ZNF732: variants seen among roughly 807,000 people sequenced by gnomAD.
ZNF732 encodes the protein zinc finger protein LOC654254.
A neutral mutation model predicts 11.5 loss-of-function variants in ZNF732; 12 were observed. The observed-to-expected ratio is 1.05, with a 90% CI of 0.67 to 1.70. The LOEUF (loss-of-function observed/expected upper bound fraction) is 1.70. ZNF732 is among the 40% of genes most tolerant of loss of function. The pLI is 0.00. For missense variants in ZNF732, 702 were observed against 676.9 expected (o/e 1.04, Z -0.41); for synonymous variants, 231 against 236.5 (o/e 0.98, Z 0.21).
chr4:299,464 TATATATATAC>T lies in ZNF732; in HGVS notation c.4-3319_4-3310del, dbSNP rs1553843212. 1.2e-3 allele frequency among the ~76,000 whole-genome samples: 78 copies of T among 67,698 alleles called. 4 individuals are homozygous for T. The highest frequency in any genetic ancestry group is 4.5e-3 in the African/African-American group (73 of 16,304). 44.4% of individuals were successfully genotyped at this position (67,698 alleles called of 152,430 possible). A position where few individuals can be genotyped will look rare whatever the true frequency, so the allele number is the denominator to read the frequency against. The stretch of plus-strand genomic sequence containing the variant: ...ATATATATATATACACATATGTGTA[TATATATATAC>T]ACATATATACACATATGTGTGTATA... On this transcript the variant is annotated intron_variant, in intron 1 of 3. Transcript: ENST00000419098.
At chr4:283,671 T>C (rs917091991) in intron 3 of ZNF732, among the ~76,000 whole-genome samples, 4 of 152,130 alleles carry the variant, frequency 2.6e-5, no homozygotes, top group African/African-American at 7.2e-5. Flanking sequence ...GGGGACTATA[T>C]TGCCCTACTT....
chr4:296,316 G>A (rs1719951035), intron 1 of ZNF732, among the ~76,000 whole-genome samples, 161 bp from the exon 2 acceptor site: 1 of 152,030 alleles, frequency 6.6e-6, no homozygotes, highest in Non-Finnish European at 1.5e-5. Flanking sequence ...TGCAGAAAAA[G>A]GATGGCATTC....
chr4:299,504 C>CATATAT (rs1720060224), intron 1 of ZNF732, among the ~76,000 whole-genome samples: 3 of 78,544 alleles, frequency 3.8e-5, no homozygotes, highest in African/African-American at 1.6e-4. Flanking sequence ...TGTATATATA[C>CATATAT]ACACATATAC....
At chr4:297,624 A>AAAAC (rs1283751721) in intron 1 of ZNF732, among the ~76,000 whole-genome samples, 1 of 151,642 alleles carries the variant, frequency 6.6e-6, no homozygotes, top group Non-Finnish European at 1.5e-5. Context: ...AAAAAAAAAA[A>AAAAC]AAAAAAAACT....
chr4:293,739 GTGT>G (rs1357836608), intron 3 of ZNF732, among the ~76,000 whole-genome samples: 3 of 152,094 alleles, frequency 2.0e-5, no homozygotes, highest in Non-Finnish European at 4.4e-5. Flanking sequence ...AGTAATAGAT[GTGT>G]TGATCAACTT....
At chr4:294,174 G>T (rs1719900098) in intron 3 of ZNF732, among the ~76,000 whole-genome samples, 1 of 152,044 alleles carries the variant, frequency 6.6e-6, no homozygotes, top group African/African-American at 2.4e-5. Flanking sequence ...CTAACTTTTT[G>T]TATTTTTAGT....
At chr4:291,223 C>T (rs2108657859) in intron 3 of ZNF732, among the ~76,000 whole-genome samples, 1 of 152,272 alleles carries the variant, frequency 6.6e-6, no homozygotes, top group South Asian at 2.1e-4. Flanking sequence ...GATACGTAAT[C>T]AACATACAAA....
intron 3 of ZNF732, among the ~76,000 whole-genome samples, chr4:284,891 A>AAAAAAG (rs782343752): frequency 3.5e-3 from 452 of 128,686 alleles, no homozygotes; most frequent in Non-Finnish European, 4.8e-3. Context: ...AAAAAAAAAA[A>AAAAAAG]AAGAAGAAGA....
chr4:280,294 GAAA>G (rs59901961), intron 3 of ZNF732, among the ~76,000 whole-genome samples: 1 of 142,750 alleles, frequency 7.0e-6, no homozygotes, highest in Non-Finnish European at 1.5e-5. Flanking sequence ...ACAGCAGTAA[GAAA>G]AAAAAAAAAA....
chr4:299,435 GTATA>G (rs534173072), intron 1 of ZNF732, among the ~76,000 whole-genome samples: 9,180 of 95,272 alleles, frequency 0.096, 1,090 homozygotes, highest in African/African-American at 0.12. Context: ...ACACATATGT[GTATA>G]TATATATATA....
At position 305,380 on chromosome 4, in the gene ZNF732, G is replaced by A. The variant is rs1396389593; in HGVS notation, c.-70C>T. 1.1e-5 allele frequency: 18 copies of A among 1,597,224 alleles called. 1 individual carries two copies. Among genetic ancestry groups the A allele is most frequent in the East Asian group, 9.0e-5 (4 of 44,658 alleles). On this transcript the variant is annotated 5_prime_UTR_variant, in exon 1 of 4. Coordinates refer to ENST00000419098, the MANE Select transcript of ZNF732 (RefSeq NM_001137608.3). ...CAATACCCGCAGGTCACAGAGCGAC[G>A]GAGGCTGAGGCTGTGACCGAATCAC...
intron 1 of ZNF732, among the ~76,000 whole-genome samples, chr4:302,039 T>C (rs148764090): frequency 1.4e-4 from 22 of 152,304 alleles, no homozygotes; most frequent in African/African-American, 5.3e-4. Flanking sequence ...TAAAAAGTTA[T>C]TTTTGTAGAA....
chr4:295,626 A>G, intron 2 of ZNF732, 93 bp from the exon 3 acceptor site: 3 of 1,090,662 alleles, frequency 2.8e-6, no homozygotes, highest in Non-Finnish European at 3.9e-6. Flanking sequence ...ATTATGGAAG[A>G]TCCTACATAA....
intron 3 of ZNF732, among the ~76,000 whole-genome samples, chr4:288,022 C>T (rs1553840856): frequency 6.6e-6 from 1 of 152,006 alleles, no homozygotes; most frequent in Non-Finnish European, 1.5e-5. Flanking sequence ...CCTTACATTA[C>T]TCTAAAAATT....
intron 3 of ZNF732, among the ~76,000 whole-genome samples, chr4:284,260 TAGC>T (rs782573814): frequency 1.3e-5 from 2 of 151,846 alleles, no homozygotes; most frequent in Non-Finnish European, 2.9e-5. Context: ...GAGAAATCAA[TAGC>T]AGAGTGAACA....
Position 292,387 on chromosome 4 carries a change from G to A in ZNF732, c.226+3051C>T, listed in dbSNP as rs546957498. ...AGCCTGACCAACATGAAGAAACCCC[G>A]TCTCTATTAAAAATACAAAATTAGC... is the stretch of plus-strand genomic sequence containing the variant. On this transcript the variant is annotated intron_variant, in intron 3 of 3. Transcript: ENST00000419098. Among the ~76,000 whole-genome samples, 57 of 151,884 alleles carry A rather than the reference G, an allele frequency of 3.8e-4. 1 individual carries two copies. In the South Asian group the frequency reaches 5.2e-3, roughly 14 times the overall value.
chr4:299,388 TATGTACAC>T (rs1720036332), intron 1 of ZNF732, among the ~76,000 whole-genome samples: 1 of 90,774 alleles, frequency 1.1e-5, no homozygotes, highest in Non-Finnish European at 2.4e-5. Context: ...TATATACACA[TATGTACAC>T]ATATGTGTAT....
chr4:289,670 C>T (rs955894704), intron 3 of ZNF732, among the ~76,000 whole-genome samples: 5 of 152,008 alleles, frequency 3.3e-5, no homozygotes, highest in Admixed American at 1.3e-4. Flanking sequence ...TAAAATAGTT[C>T]GTGTTTCTGT....
intron 1 of ZNF732, among the ~76,000 whole-genome samples, chr4:299,761 A>G (rs1393912560): frequency 2.0e-5 from 3 of 146,984 alleles, no homozygotes; most frequent in African/African-American, 5.0e-5. Context: ...CAATGGCACG[A>G]TATCAGCTGA....
Sources: gnomAD v4.1 joint callset for allele counts (sites outside exome capture counted in the v4.1 genomes callset) on GRCh38, gnomAD v4.1.1 for gene constraint, MANE v1.5 for transcripts, NCBI Gene and HGNC (gene_info 2026-07-23, HGNC 2026-07-21) for gene names.